The following UMAD1 variants were observed in gnomAD, a reference collection of about 807,000 sequenced individuals.
The protein encoded by UMAD1 is UBAP1-MVB12-associated (UMA) domain containing 1, also known as UBAP1-MVB12-associated (UMA)-domain containing protein 1.
Under a neutral mutation model 6.1 loss-of-function variants are expected in UMAD1, and 8 were observed. The observed-to-expected ratio is 1.30, with a 90% CI of 0.76 to 2.35. The LOEUF (loss-of-function observed/expected upper bound fraction) is 2.35. Ranked by LOEUF, UMAD1 falls within the 30% of genes most tolerant of loss-of-function variation. The pLI is 0.00. For missense variants in UMAD1, 130 were observed against 78.4 expected, an observed-to-expected ratio of 1.66 and a Z score of -2.49; for synonymous variants, 56 against 31.4, an observed-to-expected ratio of 1.78 and a Z score of -2.61.
At chr7:7,652,298 C>G (rs995684849) in intron 1 of UMAD1, among the ~76,000 whole-genome samples, 3 of 152,134 alleles carry the variant, frequency 2.0e-5, no homozygotes, top group Middle Eastern at 3.2e-3. Context: ...TTGGTCAATA[C>G]CCATTGATCA....
At chr7:7,825,697 G>T (rs922388689) in intron 3 of UMAD1, among the ~76,000 whole-genome samples, 2 of 152,074 alleles carry the variant, frequency 1.3e-5, no homozygotes, top group Non-Finnish European at 2.9e-5. Flanking sequence ...AATAATATTG[G>T]CATGATATAT....
chr7:7,732,020 A>G (rs1781269256), intron 2 of UMAD1, among the ~76,000 whole-genome samples: 1 of 152,038 alleles, frequency 6.6e-6, no homozygotes, highest in African/African-American at 2.4e-5. Flanking sequence ...ATAAATATTA[A>G]TGACCATTAT....
chr7:7,785,723 A>G (rs1782449532), intron 2 of UMAD1, among the ~76,000 whole-genome samples: 1 of 152,212 alleles, frequency 6.6e-6, no homozygotes, highest in Non-Finnish European at 1.5e-5. Context: ...AGCATACAAA[A>G]GAGCCAGCTA....
intron 2 of UMAD1, among the ~76,000 whole-genome samples, chr7:7,690,355 A>C (rs1280691786): frequency 1.3e-5 from 2 of 152,138 alleles, no homozygotes; most frequent in South Asian, 4.1e-4. Context: ...CCAAATTTCT[A>C]GTTACAAAAT....
At chr7:7,791,043 C>T (rs565514617) in intron 2 of UMAD1, among the ~76,000 whole-genome samples, 1 of 152,154 alleles carries the variant, frequency 6.6e-6, no homozygotes, top group Non-Finnish European at 1.5e-5. Flanking sequence ...GCCCACACCA[C>T]CACACCTCTA....
chr7:7,643,096 G>A (rs541534461), intron 1 of UMAD1, among the ~76,000 whole-genome samples: 263 of 152,200 alleles, frequency 1.7e-3, no homozygotes, highest in Non-Finnish European at 3.1e-3. Context: ...GGGATGGTTT[G>A]GCAATTACCG....
At chr7:7,875,566 A>G (rs1187638308) in intron 3 of UMAD1, among the ~76,000 whole-genome samples, 1 of 152,264 alleles carries the variant, frequency 6.6e-6, no homozygotes, top group East Asian at 1.9e-4. Flanking sequence ...AAACACCTCT[A>G]TGCAAATAAG....
intron 1 of UMAD1, among the ~76,000 whole-genome samples, chr7:7,666,507 C>T (rs960560968): frequency 3.9e-5 from 6 of 151,966 alleles, no homozygotes; most frequent in African/African-American, 1.5e-4. Flanking sequence ...TGTACCTGAC[C>T]GGGGCAAATC....
chr7:7,761,589 G>C lies in UMAD1; in HGVS notation c.83-40081G>C, dbSNP rs182063602. On this transcript the variant is annotated intron_variant, in intron 2 of 3. Transcript: ENST00000682710. ...TAACGGATCACATTTCTTATTAAAA[G>C]GAAAAGGAAGAAATCTCAAGTTTGG... 4.6e-5 allele frequency among the ~76,000 whole-genome samples: 7 copies of C among 152,248 alleles called. No individual in the cohort carries two copies. The East Asian group carries it at 1.4e-3, about 29-fold the overall frequency.
chr7:7,755,780 T>C lies in UMAD1; in HGVS notation c.83-45890T>C, dbSNP rs566155209. Among the ~76,000 whole-genome samples the C allele has an allele frequency of 3.9e-5, 6 of 152,314 alleles. No individual in the cohort carries two copies. The East Asian group carries it at 9.6e-4, about 24-fold the overall frequency. Reference sequence around the variant, plus strand: ...CAAAAACATGCTGGCTAAGTACGTATGTAATGTTAGCATCCCAGTGCCACT... The same window carrying C: ...CAAAAACATGCTGGCTAAGTACGTACGTAATGTTAGCATCCCAGTGCCACT... On this transcript the variant is annotated intron_variant, in intron 2 of 3. Coordinates refer to ENST00000682710, the MANE Select transcript of UMAD1 (RefSeq NM_001302348.2).
chr7:7,703,891 A>G (rs1780528830), intron 2 of UMAD1, among the ~76,000 whole-genome samples: 1 of 152,088 alleles, frequency 6.6e-6, no homozygotes, highest in South Asian at 2.1e-4. Context: ...GCAGTGAGCC[A>G]TGACTGTGTC....
At chr7:7,777,307 C>G (rs143998009) in intron 2 of UMAD1, among the ~76,000 whole-genome samples, 1 of 151,448 alleles carries the variant, frequency 6.6e-6, no homozygotes, top group Admixed American at 6.6e-5. Context: ...GAGTTCAAGA[C>G]CAGCCTGGCC....
chr7:7,704,054 A>T (rs1780533228), intron 2 of UMAD1, among the ~76,000 whole-genome samples: 1 of 152,200 alleles, frequency 6.6e-6, no homozygotes, highest in Non-Finnish European at 1.5e-5. Context: ...ACTTTGATGG[A>T]ATCCCAGACA....
chr7:7,727,873 TA>T (rs1477377151), intron 2 of UMAD1, among the ~76,000 whole-genome samples: 1 of 152,210 alleles, frequency 6.6e-6, no homozygotes, highest in Admixed American at 6.5e-5. Flanking sequence ...TACTCCTTAA[TA>T]AACTCTCTTT....
At chr7:7,864,034 A>G (rs181079062) in intron 3 of UMAD1, among the ~76,000 whole-genome samples, 2 of 152,280 alleles carry the variant, frequency 1.3e-5, no homozygotes, top group African/African-American at 2.4e-5. Context: ...AACACTTTGA[A>G]TTTCCTGAGT....
chr7:7,747,268 A>G (rs992195907), intron 2 of UMAD1, among the ~76,000 whole-genome samples: 1 of 152,216 alleles, frequency 6.6e-6, no homozygotes, highest in African/African-American at 2.4e-5. Flanking sequence ...AGTTAAGTAT[A>G]TTTAATTTAA....
chr7:7,835,814 T>C (rs2042545), intron 3 of UMAD1, among the ~76,000 whole-genome samples: 86,052 of 151,726 alleles, frequency 0.57, 25,541 homozygotes, highest in African/African-American at 0.74. Flanking sequence ...GTTTGTAGTC[T>C]ATTTAGTTTT....
At chr7:7,726,769 T>A (rs565470083) in intron 2 of UMAD1, among the ~76,000 whole-genome samples, 1 of 152,140 alleles carries the variant, frequency 6.6e-6, no homozygotes, top group Non-Finnish European at 1.5e-5. Flanking sequence ...AACTGGAAGT[T>A]AAGATTGCCA....
At chr7:7,741,914 T>G in intron 2 of UMAD1, 1 of 191,882 alleles carries the variant, frequency 5.2e-6, no homozygotes, top group Non-Finnish European at 1.1e-5. Context: ...AAAATATTTT[T>G]ATTTTTAGCG....
Sources: allele counts gnomAD v4.1 joint callset (sites outside exome capture counted in the v4.1 genomes callset), GRCh38; gene constraint gnomAD v4.1.1; transcripts MANE v1.5; gene names NCBI Gene and HGNC (gene_info 2026-07-23, HGNC 2026-07-21).